UGT1A6: variants seen among roughly 807,000 people sequenced by gnomAD.
The protein encoded by UGT1A6 is UDP-glucuronosyltransferase 1A6.
In UGT1A6, 32 loss-of-function variants were observed where a neutral mutation model predicts 44.4. The observed-to-expected ratio is 0.72, with a 90% CI of 0.54 to 0.97. The LOEUF (loss-of-function observed/expected upper bound fraction) is 0.97, where lower values mean the gene tolerates loss of function less well. Ranked by LOEUF, UGT1A6 falls within the 50% of genes least tolerant of loss-of-function variation. The probability of loss-of-function intolerance (pLI) is 0.00; values close to 1 mark genes in which losing one functional copy is unlikely to be tolerated. For missense variants in UGT1A6, 685 were observed against 661.9 expected, an observed-to-expected ratio of 1.03 and a Z score of -0.38; for synonymous variants, 238 against 248.5, an observed-to-expected ratio of 0.96 and a Z score of 0.40.
At chr2:233,764,663 C>T (rs4148325) in intron 1 of UGT1A6, among the ~76,000 whole-genome samples, 54,844 of 151,792 alleles carry the variant, frequency 0.36, 10,318 homozygotes, top group African/African-American at 0.45. Flanking sequence ...CATTTACCAA[C>T]GCTCAGAAGA....
In UGT1A6 at chr2:233,768,225, C is replaced by T; in HGVS notation, c.1087C>T (p.Pro363Ser). 6.2e-7 allele frequency: 1 copy of T among 1,614,112 alleles called. No homozygotes were observed. The highest frequency in any genetic ancestry group is 8.5e-7 in the Non-Finnish European group (1 of 1,180,032). Reference protein sequence around the residue: ...WLPQNDLLGHPMTRAFITHAG... With the variant: ...WLPQNDLLGHSMTRAFITHAG... Reference sequence around the variant, plus strand: ...CTCCCTATTTTGCATCTCAGGTCACCCGATGACCCGTGCCTTTATCACCCA... The same window carrying T: ...CTCCCTATTTTGCATCTCAGGTCACTCGATGACCCGTGCCTTTATCACCCA... Residue 363 changes from proline (P) to serine (S), a missense_variant, in exon 4 of 5, where the codon CCG becomes TCG. Pro to Ser is a moderately conservative substitution (Grantham distance 74). Transcript: ENST00000305139.
At chr2:233,738,284 C>T (rs1690749854) in intron 1 of UGT1A6, among the ~76,000 whole-genome samples, 1 of 152,160 alleles carries the variant, frequency 6.6e-6, no homozygotes, top group Non-Finnish European at 1.5e-5. Context: ...TTATAAATTA[C>T]CCAGTCTTGG....
At chr2:233,720,348 T>C (rs1265455375) in intron 1 of UGT1A6, among the ~76,000 whole-genome samples, 1 of 152,042 alleles carries the variant, frequency 6.6e-6, no homozygotes, top group African/African-American at 2.4e-5. Flanking sequence ...GGTATGGTGA[T>C]GGTTGCATGT....
At chr2:233,771,437 T>C (rs981684428) in intron 4 of UGT1A6, 1 of 152,226 alleles carries the variant, frequency 6.6e-6, no homozygotes, top group Non-Finnish European at 1.5e-5. Context: ...CATTTTGCAC[T>C]AAGTGGCTGC....
At position 233,772,584 on chromosome 2, in the gene UGT1A6, A is replaced by T; in HGVS notation, c.*25A>T. 6.2e-7 allele frequency: 1 copy of T among 1,604,676 alleles called. No homozygotes were observed. The highest frequency in any genetic ancestry group is 8.5e-7 in the Non-Finnish European group (1 of 1,174,986). On this transcript the variant is annotated 3_prime_UTR_variant, in exon 5 of 5. Transcript: ENST00000305139. ...AGAAGTGGGTGGGAAATAAGGTAAAATTTTGAACCATTCCCTAGTCATTTC... is the reference window on the plus strand; with the variant it reads ...AGAAGTGGGTGGGAAATAAGGTAAATTTTTGAACCATTCCCTAGTCATTTC...
rs149122547 is a variant in UGT1A6, at chr2:233,693,295, T to A, written c.291T>A (p.Asn97Lys). Residue 97 changes from asparagine to lysine, a missense_variant, in exon 1 of 5, where the codon AAT becomes AAA. Asn to Lys is a moderately conservative substitution (Grantham distance 94). Coordinates refer to ENST00000305139, the MANE Select transcript of UGT1A6 (RefSeq NM_001072.4). ...LKNRYQSFGN[N>K]HFAERSFLTA... ...ACCGTTACCAATCATTTGGAAACAATCACTTTGCTGAGCGATCATTCCTAA... is the reference window on the plus strand; with the variant it reads ...ACCGTTACCAATCATTTGGAAACAAACACTTTGCTGAGCGATCATTCCTAA... 175 of 1,614,020 alleles carry A rather than the reference T, an allele frequency of 1.1e-4. No individual in the cohort carries two copies. The highest frequency in any genetic ancestry group is 1.4e-4 in the Non-Finnish European group (170 of 1,180,028).
In UGT1A6 at chr2:233,772,609, C is replaced by T; in HGVS notation, c.*50C>T. On this transcript the variant is annotated 3_prime_UTR_variant, in exon 5 of 5. Transcript: ENST00000305139. The stretch of plus-strand genomic sequence containing the variant: ...ATTTTGAACCATTCCCTAGTCATTT[C>T]CAAACTTGAAAACAGAATCAGTGTT... 1 of 1,581,700 alleles carries T rather than the reference C, an allele frequency of 6.3e-7. No homozygotes were observed. Among genetic ancestry groups the T allele is most frequent in the Non-Finnish European group, 8.6e-7 (1 of 1,163,020 alleles).
intron 1 of UGT1A6, chr2:233,743,518 C>A: frequency 1.5e-6 from 2 of 1,367,324 alleles, no homozygotes; most frequent in Non-Finnish European, 9.8e-7. Flanking sequence ...CGCTCTGCTT[C>A]TGCTTCCCCA....
chr2:233,759,024 C>T (rs1053899140), intron 1 of UGT1A6, among the ~76,000 whole-genome samples: 1 of 152,174 alleles, frequency 6.6e-6, no homozygotes, highest in Admixed American at 6.5e-5. Context: ...ATTTGCTTAT[C>T]TATTTGGTTT....
intron 1 of UGT1A6, chr2:233,747,623 G>A: frequency 6.3e-7 from 1 of 1,577,752 alleles, no homozygotes; most frequent in Non-Finnish European, 8.7e-7. Flanking sequence ...ATGAGGCCCT[G>A]ATCAGGCACC....
chr2:233,693,288 G>C lies in UGT1A6; in HGVS notation c.284G>C (p.Gly95Ala), dbSNP rs763435448. 1.2e-5 allele frequency: 20 copies of C among 1,614,002 alleles called. No homozygotes were observed. Among genetic ancestry groups the C allele is most frequent in the African/African-American group, 2.7e-5 (2 of 74,928 alleles). The stretch of plus-strand genomic sequence containing the variant: ...CTGAAGAACCGTTACCAATCATTTG[G>C]AAACAATCACTTTGCTGAGCGATCA... ...EELKNRYQSF[G>A]NNHFAERSFL... The change falls in exon 1 of 5, where the codon GGA (glycine) becomes GCA (alanine). Residue 95 changes from glycine (G) to alanine (A), a missense_variant. Transcript: ENST00000305139.
chr2:233,768,607 G>A (rs1227150844), intron 4 of UGT1A6, among the ~76,000 whole-genome samples, 168 bp downstream of exon 4: 1 of 99,376 alleles, frequency 1.0e-5, no homozygotes, highest in South Asian at 3.4e-4. Context: ...TTTTTTTTGA[G>A]ATGGAGTCTT....
chr2:233,693,097 G>T lies in UGT1A6; in HGVS notation c.93G>T (p.Val31=). The change falls in exon 1 of 5, where the codon GTG becomes GTT. Residue 31 remains valine (V), a synonymous_variant. Coordinates refer to ENST00000305139, the MANE Select transcript of UGT1A6 (RefSeq NM_001072.4). ...TGGTTGTAGGTGACAAGCTGCTGGT[G>T]GTCCCTCAGGACGGAAGCCACTGGC... ...WGMVVGDKLL[V]VPQDGSHWLS... is the part of the protein sequence containing the mutation. 6.2e-7 allele frequency: 1 copy of T among 1,614,146 alleles called. No individual in the cohort carries two copies. The highest frequency in any genetic ancestry group is 1.1e-5 in the South Asian group (1 of 91,066).
At chr2:233,727,474 C>A (rs2077619427) in intron 1 of UGT1A6, among the ~76,000 whole-genome samples, 1 of 152,182 alleles carries the variant, frequency 6.6e-6, no homozygotes, top group Non-Finnish European at 1.5e-5. Context: ...AAATAAAACA[C>A]TACTACTTGG....
intron 1 of UGT1A6, among the ~76,000 whole-genome samples, chr2:233,732,755 G>GT (rs956485327): frequency 0.043 from 5,191 of 120,064 alleles, 256 homozygotes; most frequent in African/African-American, 0.13. Flanking sequence ...CACCAGCTTT[G>GT]TTTTTTTTTT....
intron 1 of UGT1A6, chr2:233,713,996 A>G: frequency 6.4e-7 from 1 of 1,559,392 alleles, no homozygotes; most frequent in Non-Finnish European, 8.7e-7. Context: ...AATAGTCTTC[A>G]GTGAGATAAA....
chr2:233,759,176 C>T (rs982253420), intron 1 of UGT1A6, among the ~76,000 whole-genome samples: 3 of 152,132 alleles, frequency 2.0e-5, no homozygotes, highest in African/African-American at 4.8e-5. Flanking sequence ...GCAGGTTTCA[C>T]GGCAAAAAGT....
chr2:233,763,191 T>C lies in UGT1A6; in HGVS notation c.862-3843T>C, dbSNP rs182750749. Among the ~76,000 whole-genome samples, 498 of 152,362 alleles carry C rather than the reference T, an allele frequency of 3.3e-3. 1 individual carries two copies. Among genetic ancestry groups the C allele is most frequent in the South Asian group, 5.6e-3 (27 of 4,830 alleles). ...GTTGACTACATATTTGTTGTTGCCT[T>C]GTTTGGTGCAGTCAGGCTTAGGTGT... is the stretch of plus-strand genomic sequence containing the variant. On this transcript the variant is annotated intron_variant, in intron 1 of 4. Coordinates refer to ENST00000305139, the MANE Select transcript of UGT1A6 (RefSeq NM_001072.4).
chr2:233,709,943 C>T (rs908134043), intron 1 of UGT1A6, among the ~76,000 whole-genome samples: 1 of 152,174 alleles, frequency 6.6e-6, no homozygotes, highest in African/African-American at 2.4e-5. Flanking sequence ...TGGATGGTTT[C>T]TGTTGCTGGA....
Sources: gnomAD v4.1 joint callset for allele counts (sites outside exome capture counted in the v4.1 genomes callset) on GRCh38, gnomAD v4.1.1 for gene constraint, MANE v1.5 for transcripts, NCBI Gene and HGNC (gene_info 2026-07-23, HGNC 2026-07-21) for gene names.